P2RX6: variants seen among roughly 807,000 people sequenced by gnomAD.
P2RX6 encodes P2X purinoceptor 6.
A neutral mutation model predicts 54.2 loss-of-function variants in P2RX6; 62 were observed. The observed-to-expected ratio is 1.14, with a 90% CI of 0.93 to 1.41. The LOEUF is 1.41. P2RX6 is among the 40% of genes most tolerant of loss of function. The pLI is 0.00. For missense variants in P2RX6, 541 were observed against 566.3 expected, an observed-to-expected ratio of 0.96 and a Z score of 0.45; for synonymous variants, 211 against 231.9, an observed-to-expected ratio of 0.91 and a Z score of 0.82.
In P2RX6 at chr22:21,015,287, TG is replaced by T; in HGVS notation, c.116del (p.Gly39AlafsTer16). ...TATGTGATGACCAGGAACTGGCGGG[TG>T]GGCGCCCTGCAGAGGCTGCTGCAGT... ...EKYVMTRNWR[V>X]GALQRLLQFG... is the part of the protein sequence containing the mutation. On this transcript the variant is annotated frameshift_variant, in exon 1 of 12. Coordinates refer to ENST00000413302, the MANE Select transcript of P2RX6 (RefSeq NM_005446.5). LOFTEE classifies it high-confidence loss of function. 6.5e-7 allele frequency: 1 copy of T among 1,546,696 alleles called. No homozygotes were observed.
At chr22:21,017,772 T>G (rs1473916328) in intron 2 of P2RX6, 3 of 628,878 alleles carry the variant, frequency 4.8e-6, no homozygotes, top group South Asian at 1.7e-5. Context: ...ACAAGAGACT[T>G]GTCTCAAGAG....
chr22:21,027,925 G>A lies in P2RX6; in HGVS notation c.*1308G>A, dbSNP rs1480590444. 6.6e-6 allele frequency: 1 copy of A among 152,264 alleles called. No individual in the cohort carries two copies. The highest frequency in any genetic ancestry group is 1.5e-5 in the Non-Finnish European group (1 of 68,064). The allele number at this position is 152,264 out of a possible 1,614,324, so 9.4% of individuals were successfully genotyped here. ...CTGAGGCCTGGGTATCCAAGGAGGG[G>A]CACGTGCACCTGATTCTCCTTGGGG... On this transcript the variant is annotated 3_prime_UTR_variant, in exon 12 of 12. Coordinates refer to ENST00000413302, the MANE Select transcript of P2RX6 (RefSeq NM_005446.5).
upstream of P2RX6, chr22:21,010,171 T>G (rs1418097327): frequency 1.3e-5 from 2 of 152,222 alleles, no homozygotes; most frequent in Admixed American, 6.5e-5. Flanking sequence ...AGGAAAAAAA[T>G]GGCCTTGCTG....
rs141102621 is a variant in P2RX6, at chr22:21,015,526, G to A, written c.164+188G>A. Among the ~76,000 whole-genome samples the A allele has an allele frequency of 2.9e-3, 440 of 152,248 alleles. 2 individuals carry two copies. The highest frequency in any genetic ancestry group is 0.01 in the African/African-American group (421 of 41,506). ...GAGAGCAAGAACAAGCTGTGTGTTT[G>A]TCCTGTGTGTCCACTTGCCTCCTTC... On this transcript the variant is annotated intron_variant, in intron 1 of 11. Transcript: ENST00000413302.
rs755988630 is a variant in P2RX6, at chr22:21,026,628, C to A, written c.*11C>A. 1.7e-5 allele frequency: 27 copies of A among 1,569,686 alleles called. No individual in the cohort carries two copies. In the Admixed American group the frequency reaches 5.0e-4, roughly 29 times the overall value. On this transcript the variant is annotated 3_prime_UTR_variant, in exon 12 of 12. Coordinates refer to ENST00000413302, the MANE Select transcript of P2RX6 (RefSeq NM_005446.5). This position sits in a 1 kb window ranked among gnomAD's most constrained non-coding sequence, Gnocchi z 4.0. Reference sequence around the variant, plus strand: ...TCCGGGAGCCTGTAGCCGTTCCCTGCTGGTTGAGAGTTGGGGGCTGGGAAG... The same window carrying A: ...TCCGGGAGCCTGTAGCCGTTCCCTGATGGTTGAGAGTTGGGGGCTGGGAAG...
In P2RX6 at chr22:21,023,114, G is replaced by T. The variant is rs779409623; in HGVS notation, c.558-4G>T. 6.2e-7 allele frequency: 1 copy of T among 1,613,818 alleles called. No homozygotes were observed. The highest frequency in any genetic ancestry group is 1.1e-5 in the South Asian group (1 of 91,076). On this transcript the variant is annotated splice_region_variant and splice_polypyrimidine_tract_variant and intron_variant, in intron 5 of 11. Coordinates refer to ENST00000413302, the MANE Select transcript of P2RX6 (RefSeq NM_005446.5). ...AGAGGCTGTCACCTCCCTTCCACCT[G>T]CAGGAGGCCCCTGCTGGCCCAGGCC...
Position 21,023,017 on chromosome 22 carries a change from A to C in P2RX6, c.539A>C (p.Glu180Ala), listed in dbSNP as rs767089273. Residue 180 changes from glutamate to alanine, a missense_variant, in exon 5 of 12, where the codon GAG becomes GCG. By Grantham distance (107) the Glu-to-Ala change is moderately radical (BLOSUM62 -1). Transcript: ENST00000413302. Reference protein sequence around the residue: ...TCEIWSWCPVESGVVPSRPLL... With the variant: ...TCEIWSWCPVASGVVPSRPLL... ...GAGATCTGGAGTTGGTGCCCCGTGGAGAGTGGCGTTGTGCCCTCGTAAGTG... is the reference window on the plus strand; with the variant it reads ...GAGATCTGGAGTTGGTGCCCCGTGGCGAGTGGCGTTGTGCCCTCGTAAGTG... The C allele has an allele frequency of 2.5e-6, 4 of 1,613,410 alleles. No individual in the cohort carries two copies. The highest frequency in any genetic ancestry group is 3.4e-6 in the Non-Finnish European group (4 of 1,179,492).
chr22:21,023,953 A>C (rs1601774048), intron 8 of P2RX6, among the ~76,000 whole-genome samples: 2 of 125,474 alleles, frequency 1.6e-5, no homozygotes, highest in Non-Finnish European at 3.2e-5. Context: ...TCTCCCCTTC[A>C]GCTTTGTTTT....
chr22:21,025,834 G>C lies in P2RX6; in HGVS notation c.920G>C (p.Gly307Ala). ...GCCACTCACTGGTGGGAGCAACCGGGTGTGGAGGCCCGCACCCTGCTCAAG... is the reference window on the plus strand; with the variant it reads ...GCCACTCACTGGTGGGAGCAACCGGCTGTGGAGGCCCGCACCCTGCTCAAG... ...RTATHWWEQP[G>A]VEARTLLKLY... is the part of the protein sequence containing the mutation. Residue 307 changes from glycine to alanine, a missense_variant, in exon 9 of 12, where the codon GGT becomes GCT. This residue lies in a region of P2RX6 where 526 missense variants were observed against 531.5 expected (regional missense o/e 0.99). Transcript: ENST00000413302. 6.4e-7 allele frequency: 1 copy of C among 1,565,420 alleles called. No homozygotes were observed. The highest frequency in any genetic ancestry group is 1.9e-5 in the Admixed American group (1 of 52,904).
At chr22:21,021,688 T>C (rs574111900) in intron 3 of P2RX6, among the ~76,000 whole-genome samples, 2 of 152,070 alleles carry the variant, frequency 1.3e-5, no homozygotes, top group African/African-American at 4.8e-5. Context: ...CCATCCTCAG[T>C]TGGGGCAGGA....
At position 21,027,357 on chromosome 22, in the gene P2RX6, T is replaced by C. The variant is rs2541953; in HGVS notation, c.*740T>C. 106,608 of 152,230 alleles carry C rather than the reference T, an allele frequency of 0.7. 37,964 individuals carry two copies. The highest frequency in any genetic ancestry group is 0.83 in the African/African-American group (34,552 of 41,440). 9.4% of individuals were successfully genotyped at this position (152,230 alleles called of 1,614,324 possible). On this transcript the variant is annotated 3_prime_UTR_variant, in exon 12 of 12. Transcript: ENST00000413302. ...GGCGGCAGGGCTAAGTTGGTGATCATTGGGTTCTTCAGGACCTTCTATATC... is the reference window on the plus strand; with the variant it reads ...GGCGGCAGGGCTAAGTTGGTGATCACTGGGTTCTTCAGGACCTTCTATATC...
At chr22:21,018,470 G>A (rs1187417544) in intron 3 of P2RX6, 2 of 262,462 alleles carry the variant, frequency 7.6e-6, no homozygotes, top group Non-Finnish European at 1.5e-5. Flanking sequence ...GGTTCTAATA[G>A]CAAGAGCCAA....
chr22:21,020,917 T>A (rs1927277157), intron 3 of P2RX6, among the ~76,000 whole-genome samples: 1 of 151,448 alleles, frequency 6.6e-6, no homozygotes, highest in Non-Finnish European at 1.5e-5. Flanking sequence ...GAGAAGCTGG[T>A]GAGCAGGTGG....
At chr22:21,011,729 T>C (rs1020772947), upstream of P2RX6, 50 of 590,144 alleles carry the variant, frequency 8.5e-5, no homozygotes, top group African/African-American at 3.2e-4. Flanking sequence ...TGGGGTTGCA[T>C]GGTGGCTCTG....
At chr22:21,016,401 A>C (rs1472811950) in intron 2 of P2RX6, among the ~76,000 whole-genome samples, 1 of 152,078 alleles carries the variant, frequency 6.6e-6, no homozygotes, top group Non-Finnish European at 1.5e-5. Flanking sequence ...TATCCTGGCT[A>C]ACACGGTGAA....
intron 3 of P2RX6, among the ~76,000 whole-genome samples, chr22:21,020,315 G>C (rs1927126413): frequency 6.6e-6 from 1 of 152,172 alleles, no homozygotes; most frequent in Non-Finnish European, 1.5e-5. Context: ...GGCTTTCCCG[G>C]AAGACCAGAG....
At position 21,026,739 on chromosome 22, in the gene P2RX6, A is replaced by G; in HGVS notation, c.*122A>G. ...ATTCCACCCTTGAACCCCAGCAGACAGTCCCTCCCCTGACTCCCACCTTGG... is the reference window on the plus strand; with the variant it reads ...ATTCCACCCTTGAACCCCAGCAGACGGTCCCTCCCCTGACTCCCACCTTGG... On this transcript the variant is annotated 3_prime_UTR_variant, in exon 12 of 12. Transcript: ENST00000413302. The surrounding 1 kb of genome is among the most constrained non-coding windows in gnomAD (Gnocchi z 4.0). The G allele has an allele frequency of 1.4e-6, 2 of 1,459,672 alleles. No individual in the cohort carries two copies. The highest frequency in any genetic ancestry group is 1.8e-6 in the Non-Finnish European group (2 of 1,103,534). The allele number at this position is 1,459,672 out of a possible 1,614,324, so 90.4% of individuals were successfully genotyped here.
chr22:21,021,415 C>A (rs1927384647), intron 3 of P2RX6, among the ~76,000 whole-genome samples: 1 of 152,140 alleles, frequency 6.6e-6, no homozygotes, highest in African/African-American at 2.4e-5. Flanking sequence ...CGTGGGGGCC[C>A]CACTGGTGGT....
At chr22:21,012,719 C>T (rs1189984997), upstream of P2RX6, 3 of 322,358 alleles carry the variant, frequency 9.3e-6, no homozygotes, top group Non-Finnish European at 1.8e-5. Context: ...GGGCTCAGCC[C>T]GCTCCACGTC....
Sources: allele counts gnomAD v4.1 joint callset (sites outside exome capture counted in the v4.1 genomes callset), GRCh38; gene constraint gnomAD v4.1.1; regional missense constraint gnomAD v4.1.1; non-coding constraint Gnocchi (gnomAD v3.1); transcripts MANE v1.5; gene names NCBI Gene and HGNC (gene_info 2026-07-23, HGNC 2026-07-21).